The following WIPF3 variants were observed in gnomAD, a reference collection of about 807,000 sequenced individuals.
The protein encoded by WIPF3 is WAS/WASL interacting protein family member 3, also known as WAS/WASL-interacting protein family member 3.
In WIPF3, 33 loss-of-function variants were observed where a neutral mutation model predicts 38.9. That is an observed-to-expected ratio of 0.85 (90% CI 0.64 to 1.14). WIPF3 has a LOEUF of 1.14. Among genes scored for constraint, WIPF3 ranks in the 50% most tolerant of loss-of-function variants. The pLI is 0.00. For synonymous variants in WIPF3, 324 were observed against 269.3 expected (o/e 1.20, Z -1.99); for missense variants, 711 against 652.5 (o/e 1.09, Z -0.98).
chr7:29,869,200 G>T (rs1332683832), intron 2 of WIPF3, among the ~76,000 whole-genome samples: 1 of 151,866 alleles, frequency 6.6e-6, no homozygotes, highest in African/African-American at 2.4e-5. Flanking sequence ...GGCTAATTTT[G>T]TATTTTTAGT....
intron 8 of WIPF3, among the ~76,000 whole-genome samples, chr7:29,911,475 A>G (rs1369815356): frequency 6.6e-6 from 1 of 152,152 alleles, no homozygotes; most frequent in Non-Finnish European, 1.5e-5. Context: ...AGCCACAACA[A>G]TCTTGAAAAA....
chr7:29,877,461 AT>A (rs1478437550), intron 3 of WIPF3, among the ~76,000 whole-genome samples: 4 of 152,224 alleles, frequency 2.6e-5, no homozygotes, highest in African/African-American at 9.6e-5. Context: ...TGATCCGGGT[AT>A]TCTGGTGATA....
intron 7 of WIPF3, among the ~76,000 whole-genome samples, chr7:29,898,186 A>G (rs1428677407): frequency 1.3e-5 from 2 of 152,110 alleles, no homozygotes; most frequent in Non-Finnish European, 2.9e-5. Flanking sequence ...ACACTTCTTC[A>G]TTTAGATTTT....
intron 2 of WIPF3, among the ~76,000 whole-genome samples, chr7:29,843,633 T>C (rs1784953167): frequency 6.6e-6 from 1 of 152,152 alleles, no homozygotes; most frequent in Non-Finnish European, 1.5e-5. Flanking sequence ...TAACTAACGA[T>C]TCCTAGAAAA....
At chr7:29,846,570 G>A (rs1435037065) in intron 2 of WIPF3, among the ~76,000 whole-genome samples, 3 of 152,196 alleles carry the variant, frequency 2.0e-5, no homozygotes, top group Non-Finnish European at 4.4e-5. Context: ...GCATGGTGGC[G>A]TGCGCCTGTA....
chr7:29,819,791 A>T (rs1041112833), intron 1 of WIPF3, among the ~76,000 whole-genome samples: 1 of 152,050 alleles, frequency 6.6e-6, no homozygotes, highest in South Asian at 2.1e-4. Flanking sequence ...AATAAAGTTT[A>T]AAAGTTTCTA....
intron 7 of WIPF3, among the ~76,000 whole-genome samples, chr7:29,903,700 GA>G (rs11358990): frequency 0.19 from 28,008 of 150,680 alleles, 2,691 homozygotes; most frequent in Middle Eastern, 0.27. Flanking sequence ...ATACCAAAAA[GA>G]AAAAAAAAAA....
intron 5 of WIPF3, among the ~76,000 whole-genome samples, chr7:29,886,348 T>C (rs1347080824): frequency 1.3e-3 from 5 of 3,992 alleles, no homozygotes; most frequent in Non-Finnish European, 2.6e-3. Flanking sequence ...AAGACAAAGC[T>C]TTTTTTTTTT....
chr7:29,899,634 C>T (rs1451041256), intron 7 of WIPF3, among the ~76,000 whole-genome samples: 1 of 152,184 alleles, frequency 6.6e-6, no homozygotes, highest in Non-Finnish European at 1.5e-5. Flanking sequence ...CACACATCTC[C>T]AGTATTGGGG....
Position 29,834,683 on chromosome 7 carries a change from C to A in WIPF3, c.-42C>A. ...TCTTTTTCAGAGCAGAAGCCACTCT[C>A]TTGGGACCATTCATAAGCAGGAGAC... On this transcript the variant is annotated 5_prime_UTR_variant, in exon 2 of 9. Transcript: ENST00000242140. 6.9e-7 allele frequency: 1 copy of A among 1,455,636 alleles called. No individual in the cohort carries two copies. The highest frequency in any genetic ancestry group is 1.5e-5 in the South Asian group (1 of 68,156). The allele number at this position is 1,455,636 out of a possible 1,614,324, so 90.2% of individuals were successfully genotyped here. A position where few individuals can be genotyped will look rare whatever the true frequency, so the allele number is the denominator to read the frequency against.
In WIPF3 at chr7:29,914,558, A is replaced by G; in HGVS notation, c.*42A>G. The G allele has an allele frequency of 6.8e-7, 1 of 1,475,292 alleles. No homozygotes were observed. The highest frequency in any genetic ancestry group is 2.7e-5 in the East Asian group (1 of 37,604). 91.4% of individuals were successfully genotyped at this position (1,475,292 alleles called of 1,614,324 possible). On this transcript the variant is annotated 3_prime_UTR_variant, in exon 9 of 9. Coordinates refer to ENST00000242140, the MANE Select transcript of WIPF3 (RefSeq NM_001080529.3). ...AAGGTCCTGGGGTTCCAGGTTGCAG[A>G]ACAACATGTCAGACCCCACCCACCC...
intron 2 of WIPF3, among the ~76,000 whole-genome samples, chr7:29,867,830 G>T (rs959853857): frequency 3.9e-5 from 6 of 152,180 alleles, no homozygotes; most frequent in African/African-American, 1.4e-4. Flanking sequence ...CCACACCTGC[G>T]TGCTTTGTGG....
At chr7:29,829,571 C>A (rs899528783) in intron 1 of WIPF3, among the ~76,000 whole-genome samples, 1 of 152,194 alleles carries the variant, frequency 6.6e-6, no homozygotes, top group African/African-American at 2.4e-5. Flanking sequence ...AGTGTCACTT[C>A]CACGTATGTG....
At chr7:29,905,963 C>T (rs75629929) in intron 8 of WIPF3, 1 of 152,078 alleles carries the variant, frequency 6.6e-6, no homozygotes, top group Admixed American at 6.6e-5. Context: ...CCAAGAAGAC[C>T]TTAAGATTAC....
rs551018476 is a variant in WIPF3, at chr7:29,868,869, C to G, written c.91-6961C>G. Among the ~76,000 whole-genome samples the G allele has an allele frequency of 2.6e-5, 4 of 152,178 alleles. No individual in the cohort carries two copies. In the South Asian group the frequency reaches 8.3e-4, roughly 32 times the overall value. On this transcript the variant is annotated intron_variant, in intron 2 of 8. Transcript: ENST00000242140. The stretch of plus-strand genomic sequence containing the variant: ...TCTAAACATAGGAAAGGTACAATAA[C>G]AATATGGTATTATACTGTTATAGGA...
Position 29,843,804 on chromosome 7 carries a change from GA to G in WIPF3, c.90+8999del, listed in dbSNP as rs375319798. ...CTTTAACCTTTCTTGTCATAAAAGGGAAAAAAAAACTCCACCCACGTCAGGT... is the reference window on the plus strand; with the variant it reads ...CTTTAACCTTTCTTGTCATAAAAGGGAAAAAAAACTCCACCCACGTCAGGT... On this transcript the variant is annotated intron_variant, in intron 2 of 8. Coordinates refer to ENST00000242140, the MANE Select transcript of WIPF3 (RefSeq NM_001080529.3). Among the ~76,000 whole-genome samples the G allele has an allele frequency of 5.6e-3, 846 of 150,864 alleles. 7 individuals carry two copies. The highest frequency in any genetic ancestry group is 0.019 in the African/African-American group (779 of 41,208).
chr7:29,816,968 T>A (rs1784466349), intron 1 of WIPF3, among the ~76,000 whole-genome samples: 4 of 152,180 alleles, frequency 2.6e-5, no homozygotes, highest in Admixed American at 2.6e-4. Flanking sequence ...TTGTACAAAT[T>A]TATATTCCTA....
chr7:29,880,414 A>G (rs1785691103), intron 4 of WIPF3, among the ~76,000 whole-genome samples: 1 of 152,224 alleles, frequency 6.6e-6, no homozygotes, highest in African/African-American at 2.4e-5. Context: ...CTCAGGGGCC[A>G]TGTTCATTTC....
At chr7:29,861,624 G>A (rs1785277933) in intron 2 of WIPF3, among the ~76,000 whole-genome samples, 1 of 152,126 alleles carries the variant, frequency 6.6e-6, no homozygotes, top group Non-Finnish European at 1.5e-5. Context: ...CCTCTAAAGA[G>A]CAGCAGCCTG....
Sources: gnomAD v4.1 joint callset for allele counts (sites outside exome capture counted in the v4.1 genomes callset) on GRCh38, gnomAD v4.1.1 for gene constraint, MANE v1.5 for transcripts, NCBI Gene and HGNC (gene_info 2026-07-23, HGNC 2026-07-21) for gene names.